The following TENM3 variants were observed in gnomAD, a reference collection of about 807,000 sequenced individuals.
The protein encoded by TENM3 is teneurin transmembrane protein 3, also known as teneurin-3.
A neutral mutation model predicts 255.1 loss-of-function variants in TENM3; 63 were observed. The ratio of observed to expected loss-of-function variants is 0.25; its 90% CI spans 0.20 to 0.30. The LOEUF (loss-of-function observed/expected upper bound fraction) is 0.30, where lower values mean the gene tolerates loss of function less well. TENM3 is among the 10% of genes least tolerant of loss of function. The pLI, the probability that TENM3 is intolerant of heterozygous loss-of-function variation, is 1.00. For missense variants in TENM3, 2,929 were observed against 3,461.1 expected, an observed-to-expected ratio of 0.85 and a Z score of 3.86; for synonymous variants, 1,306 against 1,322.3, an observed-to-expected ratio of 0.99 and a Z score of 0.27.
At chr4:182,131,402 A>AT in the TENM3 span, among the ~76,000 whole-genome samples, 3 of 152,138 alleles carry the variant, frequency 2.0e-5, no homozygotes, top group African/African-American at 7.2e-5. Flanking sequence ...ATGACTATGA[A>AT]TTTTTTATTT....
chr4:181,544,363 T>C, the TENM3 span, among the ~76,000 whole-genome samples: 3 of 140,164 alleles, frequency 2.1e-5, no homozygotes, highest in Admixed American at 8.3e-5. Context: ...TAAAATACGG[T>C]CTTTTGCATT....
chr4:182,073,797 A>G, the TENM3 span, among the ~76,000 whole-genome samples: 149,807 of 152,190 alleles, frequency 0.98, 73,778 homozygotes, highest in East Asian at 1. Flanking sequence ...CCTTTCAGCA[A>G]CTTCTTGGTC....
chr4:181,888,532 A>ATATATGTG, the TENM3 span, among the ~76,000 whole-genome samples: 2 of 78,750 alleles, frequency 2.5e-5, no homozygotes, highest in African/African-American at 9.2e-5. Context: ...ATATACATAT[A>ATATATGTG]TGTGTATATA....
chr4:182,630,098 C>T (rs758392677), intron 5 of TENM3, among the ~76,000 whole-genome samples: 10 of 152,276 alleles, frequency 6.6e-5, no homozygotes, highest in South Asian at 6.2e-4. Flanking sequence ...GTACCTCTGA[C>T]GGCCTCTACC....
the TENM3 span, among the ~76,000 whole-genome samples, chr4:181,654,867 C>T: frequency 7.2e-5 from 11 of 152,038 alleles, no homozygotes; most frequent in African/African-American, 2.7e-4. Flanking sequence ...CAGCAGTCTC[C>T]ATTGTTAACA....
At chr4:182,174,389 C>CAA (rs34627421) in intron 1 of TENM3, among the ~76,000 whole-genome samples, 16 of 110,470 alleles carry the variant, frequency 1.4e-4, no homozygotes, top group South Asian at 3.1e-4. Context: ...TATGTGGCTG[C>CAA]AAAAAAAAAA....
intron 3 of TENM3, among the ~76,000 whole-genome samples, chr4:182,371,536 T>A (rs1266029520): frequency 6.6e-6 from 1 of 152,162 alleles, no homozygotes; most frequent in Non-Finnish European, 1.5e-5. Context: ...TTCTCCTACT[T>A]CTTGGTAAAT....
the TENM3 span, among the ~76,000 whole-genome samples, chr4:181,645,324 C>T: frequency 1.1e-4 from 17 of 152,246 alleles, no homozygotes; most frequent in African/African-American, 2.2e-4. Context: ...TGGTTAGAGG[C>T]GAAGAACATC....
At chr4:182,054,360 G>T in the TENM3 span, among the ~76,000 whole-genome samples, 1 of 152,150 alleles carries the variant, frequency 6.6e-6, no homozygotes, top group Non-Finnish European at 1.5e-5. Flanking sequence ...GAGACTCATG[G>T]TCACCTGTAG....
At chr4:181,562,294 A>G in the TENM3 span, among the ~76,000 whole-genome samples, 7 of 152,116 alleles carry the variant, frequency 4.6e-5, no homozygotes, top group African/African-American at 1.7e-4. Flanking sequence ...ATTTTCATAT[A>G]CATACAGATA....
intron 1 of TENM3, among the ~76,000 whole-genome samples, chr4:182,310,307 T>G (rs1225683686): frequency 1.3e-5 from 2 of 152,176 alleles, no homozygotes; most frequent in Non-Finnish European, 2.9e-5. Flanking sequence ...GTGATCCTCC[T>G]GCCTCAGCCT....
At chr4:182,476,206 T>C (rs781475439) in intron 3 of TENM3, among the ~76,000 whole-genome samples, 1 of 152,204 alleles carries the variant, frequency 6.6e-6, no homozygotes, top group Non-Finnish European at 1.5e-5. Flanking sequence ...AATGAATGTC[T>C]GTATTTAAAC....
At chr4:182,128,781 C>A in the TENM3 span, among the ~76,000 whole-genome samples, 6 of 152,160 alleles carry the variant, frequency 3.9e-5, no homozygotes, top group African/African-American at 1.4e-4. Context: ...CTTTTCATTT[C>A]ATCACTGGCA....
intron 1 of TENM3, among the ~76,000 whole-genome samples, chr4:182,147,220 GT>G (rs1340995393): frequency 1.3e-5 from 2 of 152,166 alleles, no homozygotes; most frequent in Admixed American, 6.5e-5. Flanking sequence ...GGCTATCGTT[GT>G]GAGTAGAGTG....
chr4:181,827,343 GAAACA>G, the TENM3 span, among the ~76,000 whole-genome samples: 1 of 152,170 alleles, frequency 6.6e-6, no homozygotes, highest in Non-Finnish European at 1.5e-5. Context: ...TTGCAAAGAA[GAAACA>G]AACTATGTAG....
At chr4:182,240,776 G>C (rs1358681590), upstream of TENM3, among the ~76,000 whole-genome samples, 1 of 152,152 alleles carries the variant, frequency 6.6e-6, no homozygotes, top group Non-Finnish European at 1.5e-5. Flanking sequence ...CTGGAGCAGG[G>C]AGACAGTAAG....
chr4:181,874,340 C>A, the TENM3 span: 1 of 152,188 alleles, frequency 6.6e-6, no homozygotes, highest in Non-Finnish European at 1.5e-5. Context: ...AAATGTCTAA[C>A]TATTAGTGTG....
chr4:182,059,541 G>T, the TENM3 span, among the ~76,000 whole-genome samples: 1 of 151,716 alleles, frequency 6.6e-6, no homozygotes, highest in Admixed American at 6.6e-5. Flanking sequence ...TGAAAATATA[G>T]ATACTGCATA....
chr4:181,451,974 A>G, the TENM3 span, among the ~76,000 whole-genome samples: 1 of 152,246 alleles, frequency 6.6e-6, no homozygotes, highest in East Asian at 1.9e-4. Context: ...CTTGGAGAGG[A>G]GAATGAGAAG....
Sources: allele counts gnomAD v4.1 joint callset (sites outside exome capture counted in the v4.1 genomes callset), GRCh38; gene constraint gnomAD v4.1.1; transcripts MANE v1.5; gene names NCBI Gene and HGNC (gene_info 2026-07-23, HGNC 2026-07-21).